Variants in KIF13A observed in about 807,000 individuals in gnomAD.
KIF13A encodes kinesin family member 13A.
KIF13A carries 79 observed loss-of-function variants against 212.2 expected under a neutral mutation model. The observed-to-expected ratio is 0.37, with a 90% CI of 0.31 to 0.45. KIF13A has a LOEUF of 0.45. Ranked by LOEUF, KIF13A falls within the 20% of genes least tolerant of loss-of-function variation. The pLI is 1.00. For synonymous variants in KIF13A, 789 were observed against 808.6 expected (o/e 0.98, Z 0.41); for missense variants, 1,901 against 2,209.0 (o/e 0.86, Z 2.79).
At chr6:17,827,360 G>A (rs558073744) in intron 14 of KIF13A, among the ~76,000 whole-genome samples, 5 of 152,232 alleles carry the variant, frequency 3.3e-5, no homozygotes, top group Non-Finnish European at 7.4e-5. Context: ...GCCTCCCAAA[G>A]TGCTGGGATT....
At chr6:17,870,077 A>T (rs1230597902) in intron 4 of KIF13A, among the ~76,000 whole-genome samples, 1 of 152,242 alleles carries the variant, frequency 6.6e-6, no homozygotes, top group Non-Finnish European at 1.5e-5. Context: ...TAACGTATTT[A>T]CTAGGCAGAT....
chr6:17,779,152 C>T (rs1409173802), intron 32 of KIF13A, 53 bp from the exon 33 acceptor site: 5 of 1,524,872 alleles, frequency 3.3e-6, no homozygotes, highest in African/African-American at 2.8e-5. Context: ...ACGTTTTCAT[C>T]CAAAGTGTGG....
chr6:17,915,299 A>T lies in KIF13A; in HGVS notation c.147-17119T>A, dbSNP rs1561756854. 6.6e-6 allele frequency among the ~76,000 whole-genome samples: 1 copy of T among 152,190 alleles called. No homozygotes were observed. The highest frequency in any genetic ancestry group is 2.4e-5 in the African/African-American group (1 of 41,462). On this transcript the variant is annotated intron_variant, in intron 2 of 38. Coordinates refer to ENST00000259711, the MANE Select transcript of KIF13A (RefSeq NM_022113.6). The surrounding 1 kb of genome is among the most constrained non-coding windows in gnomAD (Gnocchi z 4.4). ...TCCATTCTTGCCTCCACCACTTTGT[A>T]GGGACCTTGGACCTGGTGCTTAAGC...
At position 17,940,564 on chromosome 6, in the gene KIF13A, G is replaced by GTTAA. The variant is rs113505367; in HGVS notation, c.147-42385_147-42384insTTAA. The stretch of plus-strand genomic sequence containing the variant: ...TTCCTTCTTTCAAGAGGCAGCAGCA[G>GTTAA]AGTTAAGAGAGAATTCCCTGTTCCC... On this transcript the variant is annotated intron_variant, in intron 2 of 38. Coordinates refer to ENST00000259711, the MANE Select transcript of KIF13A (RefSeq NM_022113.6). Among the ~76,000 whole-genome samples the GTTAA allele has an allele frequency of 6.3e-3, 961 of 152,240 alleles. 7 individuals are homozygous for GTTAA. The highest frequency in any genetic ancestry group is 0.022 in the African/African-American group (913 of 41,534).
chr6:17,823,336 T>C (rs910062840), intron 16 of KIF13A, among the ~76,000 whole-genome samples: 2 of 150,952 alleles, frequency 1.3e-5, no homozygotes, highest in East Asian at 2.0e-4. Flanking sequence ...CTGGCCCCTA[T>C]ACTCTTTATA....
chr6:17,805,687 A>C (rs764662681), intron 18 of KIF13A, 72 bp from the exon 19 acceptor site: 108 of 1,367,338 alleles, frequency 7.9e-5, no homozygotes, highest in Non-Finnish European at 1.1e-4. Flanking sequence ...ATATATATAC[A>C]ACAGTAACAC....
Position 17,947,842 on chromosome 6 carries a change from A to G in KIF13A, c.146+39212T>C, listed in dbSNP as rs916629307. Among the ~76,000 whole-genome samples the G allele has an allele frequency of 6.6e-6, 1 of 150,526 alleles. No individual in the cohort carries two copies. The highest frequency in any genetic ancestry group is 6.6e-5 in the Admixed American group (1 of 15,092). On this transcript the variant is annotated intron_variant, in intron 2 of 38. Transcript: ENST00000259711. The surrounding 1 kb of genome is among the most constrained non-coding windows in gnomAD (Gnocchi z 4.6). ...TGTGACAAGAGCAAAACTCTGCTCA[A>G]AAAAAAAAAGAAAGCACACCAAGTA... is the stretch of plus-strand genomic sequence containing the variant.
chr6:17,978,870 T>C (rs1780816296), intron 2 of KIF13A, among the ~76,000 whole-genome samples: 3 of 152,230 alleles, frequency 2.0e-5, no homozygotes, highest in African/African-American at 4.8e-5. Flanking sequence ...AGAGGGATGA[T>C]AAACTAGCTA....
At chr6:17,923,710 G>A (rs533426450) in intron 2 of KIF13A, among the ~76,000 whole-genome samples, 97 of 152,246 alleles carry the variant, frequency 6.4e-4, no homozygotes, top group Non-Finnish European at 7.2e-4. Context: ...AATCTTTCAC[G>A]AGCTGCATGC....
In KIF13A at chr6:17,790,316, G is replaced by A. The variant is rs141392543; in HGVS notation, c.3223-406C>T. On this transcript the variant is annotated intron_variant, in intron 25 of 38. Coordinates refer to ENST00000259711, the MANE Select transcript of KIF13A (RefSeq NM_022113.6). Reference sequence around the variant, plus strand: ...GCTACTTGGGAGACTAAAGTGGGAGGATCACTTGAGCGGAGGAGATGGAGG... The same window carrying A: ...GCTACTTGGGAGACTAAAGTGGGAGAATCACTTGAGCGGAGGAGATGGAGG... Among the ~76,000 whole-genome samples, 212 of 152,230 alleles carry A rather than the reference G, an allele frequency of 1.4e-3. 3 individuals carry two copies. Among genetic ancestry groups the A allele is most frequent in the African/African-American group, 4.7e-3 (197 of 41,526 alleles).
chr6:17,823,307 C>T (rs548873824), intron 16 of KIF13A, among the ~76,000 whole-genome samples: 15 of 151,976 alleles, frequency 9.9e-5, no homozygotes, highest in African/African-American at 3.6e-4. Context: ...GCTGGGATTA[C>T]AGGCATTAGC....
chr6:17,873,797 T>A (rs974250192), intron 3 of KIF13A, among the ~76,000 whole-genome samples: 1 of 152,090 alleles, frequency 6.6e-6, no homozygotes, highest in African/African-American at 2.4e-5. Flanking sequence ...GCCCTATTGC[T>A]CAGGCTGGTC....
At chr6:17,804,601 T>A (rs59204763) in intron 19 of KIF13A, 91 bp from the exon 20 acceptor site, 84 of 1,212,320 alleles carry the variant, frequency 6.9e-5, no homozygotes, top group Non-Finnish European at 8.1e-5. Flanking sequence ...TGAAAAAAAA[T>A]TTAAAGAATC....
chr6:17,759,451 T>C (rs1758492889), downstream of KIF13A: 2 of 152,292 alleles, frequency 1.3e-5, no homozygotes, highest in African/African-American at 4.8e-5. Flanking sequence ...TTCCAATATC[T>C]TACTCATTTA....
chr6:17,859,448 TA>T (rs149206572), intron 4 of KIF13A, among the ~76,000 whole-genome samples: 22 of 140,102 alleles, frequency 1.6e-4, no homozygotes, highest in East Asian at 4.1e-4. Context: ...ACAAAAAATG[TA>T]AAAAAAAAAA....
intron 3 of KIF13A, among the ~76,000 whole-genome samples, chr6:17,882,853 C>T (rs1406066601): frequency 6.6e-6 from 1 of 152,158 alleles, no homozygotes; most frequent in Non-Finnish European, 1.5e-5. Flanking sequence ...TGCGGCACGG[C>T]ACCCGGCCTG....
intron 30 of KIF13A, 87 bp downstream of exon 30, chr6:17,781,090 A>G: frequency 1.3e-6 from 2 of 1,548,982 alleles, no homozygotes; most frequent in East Asian, 2.2e-5. Context: ...TTTTTCCCCA[A>G]AGCAAACCAT....
chr6:17,903,293 C>G (rs1486145759), intron 2 of KIF13A, among the ~76,000 whole-genome samples: 1 of 152,168 alleles, frequency 6.6e-6, no homozygotes, highest in African/African-American at 2.4e-5. Flanking sequence ...ATTTCAACAG[C>G]AGCATTCCCC....
At position 17,783,468 on chromosome 6, in the gene KIF13A, T is replaced by C. The variant is rs1009205025; in HGVS notation, c.3544+178A>G. 1.1e-4 allele frequency among the ~76,000 whole-genome samples: 15 copies of C among 136,620 alleles called. No homozygotes were observed. The highest frequency in any genetic ancestry group is 3.5e-4 in the Admixed American group (5 of 14,088). The allele number at this position is 136,620 out of a possible 152,430, so 89.6% of individuals were successfully genotyped here. ...TGCAGTTCTCAATCACCCTATGTGCTCTTTTTTTGATTATCCACATATCAT... is the reference window on the plus strand; with the variant it reads ...TGCAGTTCTCAATCACCCTATGTGCCCTTTTTTTGATTATCCACATATCAT... On this transcript the variant is annotated intron_variant, in intron 29 of 38. Transcript: ENST00000259711. This position sits in a 1 kb window ranked among gnomAD's most constrained non-coding sequence, Gnocchi z 4.3.
Sources: gnomAD v4.1 joint callset for allele counts (sites outside exome capture counted in the v4.1 genomes callset) on GRCh38, gnomAD v4.1.1 for gene constraint, Gnocchi (gnomAD v3.1) non-coding constraint, MANE v1.5 for transcripts, NCBI Gene and HGNC (gene_info 2026-07-23, HGNC 2026-07-21) for gene names.